The following DLGAP2 variants were observed in gnomAD, a reference collection of about 807,000 sequenced individuals.
The protein encoded by DLGAP2 is disks large-associated protein 2.
A neutral mutation model predicts 100.3 loss-of-function variants in DLGAP2; 26 were observed. That is an observed-to-expected ratio of 0.26 (90% CI 0.19 to 0.36). The LOEUF is 0.36. DLGAP2 is among the 10% of genes least tolerant of loss of function. The pLI is 1.00. For missense variants in DLGAP2, 1,858 were observed against 1,453.2 expected (o/e 1.28, Z -4.53); for synonymous variants, 886 against 630.1 (o/e 1.41, Z -6.08).
intron 2 of DLGAP2, among the ~76,000 whole-genome samples, chr8:947,435 T>TGC (rs1799356374): frequency 6.6e-6 from 1 of 151,768 alleles, no homozygotes; most frequent in Non-Finnish European, 1.5e-5. Context: ...ACAGGCCCCT[T>TGC]ACGTCCGCGC....
intron 3 of DLGAP2, among the ~76,000 whole-genome samples, chr8:1,328,180 C>T (rs1030323089): frequency 6.6e-6 from 1 of 151,696 alleles, no homozygotes; most frequent in Non-Finnish European, 1.5e-5. Context: ...GCCGGGACTA[C>T]AGGCATGTGC....
chr8:1,499,023 T>C (rs765362125), intron 3 of DLGAP2, among the ~76,000 whole-genome samples: 34 of 152,366 alleles, frequency 2.2e-4, no homozygotes, highest in Non-Finnish European at 4.6e-4. Flanking sequence ...TTCTCTCATC[T>C]GATAAACAGC....
At chr8:1,558,617 CACAT>C (rs1456732660) in intron 5 of DLGAP2, among the ~76,000 whole-genome samples, 1 of 148,916 alleles carries the variant, frequency 6.7e-6, no homozygotes, top group Non-Finnish European at 1.5e-5. Context: ...CCTGCACACA[CACAT>C]ACACATATGT....
intron 1 of DLGAP2, among the ~76,000 whole-genome samples, chr8:750,966 C>T (rs370502061): frequency 1.1e-4 from 16 of 152,332 alleles, no homozygotes; most frequent in African/African-American, 2.2e-4. Context: ...GAGTTGTGGA[C>T]GGTTGGAAGC....
intron 1 of DLGAP2, among the ~76,000 whole-genome samples, chr8:773,695 G>A (rs1438062701): frequency 6.6e-6 from 1 of 151,890 alleles, no homozygotes; most frequent in Admixed American, 6.6e-5. Flanking sequence ...TTTTATGGCT[G>A]CATAGTATTC....
intron 1 of DLGAP2, among the ~76,000 whole-genome samples, chr8:778,219 G>C (rs1313039384): frequency 6.6e-6 from 1 of 152,016 alleles, no homozygotes; most frequent in Non-Finnish European, 1.5e-5. Context: ...GCACTTCTCT[G>C]TATTGGTTAT....
At chr8:1,354,603 G>A (rs138067047) in intron 3 of DLGAP2, among the ~76,000 whole-genome samples, 1,566 of 151,180 alleles carry the variant, frequency 0.01, 10 homozygotes, top group Non-Finnish European at 0.015. Context: ...GGAAAGTCAC[G>A]GATGATGCTG....
intron 3 of DLGAP2, among the ~76,000 whole-genome samples, chr8:1,496,738 G>A (rs1227341683): frequency 6.6e-6 from 1 of 152,188 alleles, no homozygotes; most frequent in Non-Finnish European, 1.5e-5. Context: ...GTGCGCCTGT[G>A]TTGTGTGTTC....
chr8:759,112 C>A, intron 1 of DLGAP2, among the ~76,000 whole-genome samples: 1 of 95,378 alleles, frequency 1.0e-5, no homozygotes, highest in Non-Finnish European at 2.5e-5. Flanking sequence ...CCCCCGACAG[C>A]CTTCCCATTA....
chr8:1,123,546 C>G (rs1300545336), intron 2 of DLGAP2, among the ~76,000 whole-genome samples: 1 of 152,158 alleles, frequency 6.6e-6, no homozygotes, highest in Non-Finnish European at 1.5e-5. Flanking sequence ...ATTACAGTGT[C>G]AGATGTTTGG....
At chr8:1,360,887 C>T (rs1329492776) in intron 3 of DLGAP2, among the ~76,000 whole-genome samples, 3 of 152,178 alleles carry the variant, frequency 2.0e-5, no homozygotes, top group South Asian at 4.1e-4. Flanking sequence ...ATGCTCTGGC[C>T]CCACCGGACA....
Position 1,127,002 on chromosome 8 carries a change from C to G in DLGAP2, c.74-131849C>G, listed in dbSNP as rs376967456. Among the ~76,000 whole-genome samples the G allele has an allele frequency of 1.5e-4, 23 of 151,038 alleles. No individual in the cohort carries two copies. The South Asian group carries it at 4.8e-3, about 32-fold the overall frequency. On this transcript the variant is annotated intron_variant, in intron 2 of 14. Transcript: ENST00000637795. ...TGTCCTTCTGCTTGTGTTCCTGGAG[C>G]TCATGAGGGATGCCCACCCTGTCCC...
intron 3 of DLGAP2, among the ~76,000 whole-genome samples, chr8:1,354,177 C>T (rs1801796569): frequency 6.6e-6 from 1 of 152,122 alleles, no homozygotes; most frequent in African/African-American, 2.4e-5. Context: ...TAAAAACAAC[C>T]TGCTCACCAG....
intron 2 of DLGAP2, among the ~76,000 whole-genome samples, chr8:1,188,068 T>C (rs1797551088): frequency 3.8e-5 from 5 of 130,360 alleles, no homozygotes; most frequent in South Asian, 2.5e-4. Context: ...ACCCGGGACC[T>C]CCGTGACGTT....
chr8:1,298,674 G>T (rs916843442), intron 3 of DLGAP2, among the ~76,000 whole-genome samples: 2 of 152,154 alleles, frequency 1.3e-5, no homozygotes, highest in African/African-American at 4.8e-5. Context: ...GGCCATGGTA[G>T]ATGCCGAGGG....
At chr8:1,484,675 TAGAA>T (rs889206066) in intron 3 of DLGAP2, among the ~76,000 whole-genome samples, 8 of 152,250 alleles carry the variant, frequency 5.3e-5, no homozygotes, top group African/African-American at 1.2e-4. Flanking sequence ...AGGCATTTGA[TAGAA>T]AGATATTCAT....
intron 1 of DLGAP2, among the ~76,000 whole-genome samples, chr8:880,387 C>G (rs971316124): frequency 6.6e-6 from 1 of 152,246 alleles, no homozygotes; most frequent in Non-Finnish European, 1.5e-5. Flanking sequence ...AGTGTCCACA[C>G]TCACACACAG....
intron 4 of DLGAP2, among the ~76,000 whole-genome samples, chr8:1,520,069 C>G (rs758104519): frequency 6.6e-6 from 1 of 152,220 alleles, no homozygotes; most frequent in East Asian, 1.9e-4. Context: ...TGAGAGCTCT[C>G]TCTGCCCCTG....
intron 2 of DLGAP2, among the ~76,000 whole-genome samples, chr8:947,987 T>C (rs1036405401): frequency 6.9e-6 from 1 of 145,254 alleles, no homozygotes; most frequent in African/African-American, 2.6e-5. Flanking sequence ...CCTGATCCCA[T>C]GCCAGCCCGC....
Sources: gnomAD v4.1 joint callset for allele counts (sites outside exome capture counted in the v4.1 genomes callset) on GRCh38, gnomAD v4.1.1 for gene constraint, MANE v1.5 for transcripts, NCBI Gene and HGNC (gene_info 2026-07-23, HGNC 2026-07-21) for gene names.